The following LPA variants were observed in gnomAD, a reference collection of about 807,000 sequenced individuals.
LPA encodes the protein lipoprotein(a).
Under a neutral mutation model 197.9 loss-of-function variants are expected in LPA, and 199 were observed. The ratio of observed to expected loss-of-function variants is 1.01; its 90% CI spans 0.90 to 1.13. LPA has a LOEUF of 1.13. LPA is among the 50% of genes most tolerant of loss of function. The pLI, the probability that LPA is intolerant of heterozygous loss-of-function variation, is 0.00. For synonymous variants in LPA, 715 were observed against 639.5 expected (o/e 1.12, Z -1.78); for missense variants, 1,853 against 1,785.8 (o/e 1.04, Z -0.68).
intron 28 of LPA, among the ~76,000 whole-genome samples, chr6:160,576,199 T>G (rs955172440): frequency 3.3e-5 from 5 of 151,532 alleles, no homozygotes; most frequent in Admixed American, 6.6e-5. Context: ...CATTTTACTT[T>G]TCAGCGTTTG....
rs754417042 is a variant in LPA, at chr6:160,586,550, C to A, written c.4028G>T (p.Trp1343Leu). ...WCYTMDPSVRWEYCNLTQCPV... is the reference protein window; with the variant it reads ...WCYTMDPSVRLEYCNLTQCPV... ...ACATTGCGTCAGGTTGCAGTACTCC[C>A]ATCTGACACTGGGATCCATGGTATA... The change falls in exon 25 of 39, where the codon TGG becomes TTG. Residue 1343 changes from tryptophan (W) to leucine (L), a missense_variant. By Grantham distance (61) the Trp-to-Leu change is moderately conservative (BLOSUM62 -2). Transcript: ENST00000316300. The A allele has an allele frequency of 3.7e-6, 6 of 1,613,824 alleles. No individual in the cohort carries two copies. The highest frequency in any genetic ancestry group is 5.1e-6 in the Non-Finnish European group (6 of 1,179,810).
At chr6:160,553,646 T>C (rs1400340281) in intron 30 of LPA, among the ~76,000 whole-genome samples, 2 of 152,202 alleles carry the variant, frequency 1.3e-5, no homozygotes, top group African/African-American at 4.8e-5. Flanking sequence ...ATCTTTGATG[T>C]TGGACGATTT....
At chr6:160,651,194 C>G (rs1366026957) in intron 1 of LPA, among the ~76,000 whole-genome samples, 2 of 152,296 alleles carry the variant, frequency 1.3e-5, no homozygotes, top group African/African-American at 2.4e-5. Context: ...CCTGCAGAAC[C>G]TGACTAAGAC....
chr6:160,606,727 C>T lies in LPA; in HGVS notation c.2604-69G>A, dbSNP rs1582881595. ...ATGCAGGGGCACCCCACACCCTCTC[C>T]TTTGTGCTGCAACAAGGTCATTACC... On this transcript the variant is annotated intron_variant, in intron 16 of 38. Coordinates refer to ENST00000316300, the MANE Select transcript of LPA (RefSeq NM_005577.4). 10 of 1,572,640 alleles carry T rather than the reference C, an allele frequency of 6.4e-6. No individual in the cohort carries two copies. The South Asian group carries it at 8.9e-5, about 14-fold the overall frequency.
intron 16 of LPA, among the ~76,000 whole-genome samples, chr6:160,607,248 G>A (rs149625786): frequency 6.6e-6 from 1 of 151,996 alleles, no homozygotes; most frequent in Admixed American, 6.6e-5. Flanking sequence ...ATTACTTTCT[G>A]TCATTCCCAT....
intron 17 of LPA, 93 bp downstream of exon 17, chr6:160,606,384 G>A (rs1233298251): frequency 5.2e-6 from 8 of 1,524,636 alleles, no homozygotes; most frequent in Middle Eastern, 2.2e-4. Context: ...TCGAGCATCC[G>A]TTTACCATTG....
At chr6:160,560,314 A>G (rs369746849) in intron 28 of LPA, among the ~76,000 whole-genome samples, 1 of 152,138 alleles carries the variant, frequency 6.6e-6, no homozygotes, top group East Asian at 1.9e-4. Flanking sequence ...CAGTAATGGG[A>G]TTGCTGGGTC....
chr6:160,594,815 T>A (rs973579174), intron 21 of LPA, among the ~76,000 whole-genome samples: 1 of 152,206 alleles, frequency 6.6e-6, no homozygotes, highest in Admixed American at 6.5e-5. Flanking sequence ...TGTGCAGGAC[T>A]GGCTTAAGAT....
intron 2 of LPA, among the ~76,000 whole-genome samples, chr6:160,647,311 T>C (rs1302429360): frequency 5.3e-5 from 8 of 152,196 alleles, no homozygotes; most frequent in Admixed American, 3.9e-4. Flanking sequence ...GCTGCGGGGA[T>C]CTTGAAGCAT....
At chr6:160,567,858 T>G (rs886256730) in intron 28 of LPA, among the ~76,000 whole-genome samples, 2 of 152,180 alleles carry the variant, frequency 1.3e-5, no homozygotes, top group African/African-American at 4.8e-5. Context: ...CAGAGAATAT[T>G]ATAAACACCT....
At chr6:160,590,540 C>T (rs1013006032) in intron 23 of LPA, among the ~76,000 whole-genome samples, 1 of 152,120 alleles carries the variant, frequency 6.6e-6, no homozygotes, top group African/African-American at 2.4e-5. Flanking sequence ...AAACCACATT[C>T]CTCTGAAACT....
At position 160,653,972 on chromosome 6, in the gene LPA, ATAATATATAATATATAATATATATT is replaced by A. The variant is rs1562354398; in HGVS notation, c.50-3500_50-3476del. Among the ~76,000 whole-genome samples the A allele has an allele frequency of 1.6e-3, 34 of 20,686 alleles. 1 individual carries two copies. The highest frequency in any genetic ancestry group is 4.1e-3 in the Admixed American group (4 of 966). 13.6% of individuals were successfully genotyped at this position (20,686 alleles called of 152,430 possible). On this transcript the variant is annotated intron_variant, in intron 1 of 38. Coordinates refer to ENST00000316300, the MANE Select transcript of LPA (RefSeq NM_005577.4). ...ATATTATATATAATATATATTATAT[ATAATATATAATATATAATATATATT>A]ATATATAATATATATTATATATAAT...
chr6:160,585,239 G>A, intron 25 of LPA, 34 bp from the exon 26 acceptor site: 1 of 1,611,600 alleles, frequency 6.2e-7, no homozygotes. Context: ...GCTCAGTATT[G>A]CCTAGAAAAG....
chr6:160,609,591 C>A (rs891405763), intron 16 of LPA, among the ~76,000 whole-genome samples: 16 of 152,012 alleles, frequency 1.1e-4, no homozygotes, highest in African/African-American at 3.4e-4. Flanking sequence ...TAACGTTCTT[C>A]ATAATTGAAA....
chr6:160,544,307 C>T (rs1434465570), intron 33 of LPA, among the ~76,000 whole-genome samples: 1 of 152,130 alleles, frequency 6.6e-6, no homozygotes, highest in Non-Finnish European at 1.5e-5. Flanking sequence ...CATCAAGAGA[C>T]TTTGAGGTAG....
chr6:160,576,351 T>C lies in LPA; in HGVS notation c.4631+785A>G, dbSNP rs1374578676. On this transcript the variant is annotated intron_variant, in intron 28 of 38. Transcript: ENST00000316300. ...GTGTGTGTGTGTGTGTATATATATA[T>C]ATATATATATATATACATATATATA... Among the ~76,000 whole-genome samples the C allele has an allele frequency of 4.6e-5, 2 of 43,912 alleles. 1 individual carries two copies. The highest frequency in any genetic ancestry group is 6.9e-5 in the Non-Finnish European group (2 of 29,038). The allele number at this position is 43,912 out of a possible 152,430, so 28.8% of individuals were successfully genotyped here. A position where few individuals can be genotyped will look rare whatever the true frequency, so the allele number is the denominator to read the frequency against.
At chr6:160,558,035 T>G (rs1052354996) in intron 28 of LPA, among the ~76,000 whole-genome samples, 9 of 151,864 alleles carry the variant, frequency 5.9e-5, no homozygotes, top group African/African-American at 2.2e-4. Flanking sequence ...TTCTCCTGCC[T>G]CAGTCTCCTG....
rs1779984814 is a variant in LPA, at chr6:160,650,483, T to A, written c.64A>T (p.Ser22Cys). 6.2e-7 allele frequency: 1 copy of A among 1,613,686 alleles called. No homozygotes were observed. Among genetic ancestry groups the A allele is most frequent in the South Asian group, 1.1e-5 (1 of 91,072 alleles). ...TGGTAGCAATCCTGGACCACATGGC[T>A]TTGCTCAGGTGCTGCTAAAATTAAA... ...LFLKSAAPEQ[S>C]HVVQDCYHGD... Residue 22 changes from serine (S) to cysteine (C), a missense_variant, in exon 2 of 39, where the codon AGC (serine) becomes TGC (cysteine). Transcript: ENST00000316300.
rs531911529 is a variant in LPA, at chr6:160,553,567, G to T, written c.4973+2458C>A. 6.6e-5 allele frequency among the ~76,000 whole-genome samples: 10 copies of T among 152,186 alleles called. No individual in the cohort carries two copies. The South Asian group carries it at 1.5e-3, about 22-fold the overall frequency. ...CATTGTTTCCAAGGAGAAGGCATCG[G>T]TCACTTTCATTACTGTCCCTCTATG... On this transcript the variant is annotated intron_variant, in intron 30 of 38. Transcript: ENST00000316300.
Sources: gnomAD v4.1 joint callset for allele counts (sites outside exome capture counted in the v4.1 genomes callset) on GRCh38, gnomAD v4.1.1 for gene constraint, MANE v1.5 for transcripts, NCBI Gene and HGNC (gene_info 2026-07-23, HGNC 2026-07-21) for gene names.